MICU1: variants seen among roughly 807,000 people sequenced by gnomAD.
MICU1 encodes calcium uptake protein 1, mitochondrial.
A neutral mutation model predicts 56.8 loss-of-function variants in MICU1; 45 were observed. That is an observed-to-expected ratio of 0.79 (90% CI 0.62 to 1.02). MICU1 has a LOEUF of 1.02. Ranked by LOEUF, MICU1 falls within the 50% of genes least tolerant of loss-of-function variation. The probability of loss-of-function intolerance (pLI) is 0.00; values close to 1 mark genes in which losing one functional copy is unlikely to be tolerated. For missense variants in MICU1, 504 were observed against 587.1 expected (o/e 0.86, Z 1.46); for synonymous variants, 186 against 195.1 (o/e 0.95, Z 0.39).
chr10:72,414,633 A>G (rs1863924276), intron 9 of MICU1, among the ~76,000 whole-genome samples: 1 of 152,270 alleles, frequency 6.6e-6, no homozygotes, highest in Non-Finnish European at 1.5e-5. Context: ...CAAATTTACT[A>G]AAATTCACTA....
In MICU1 at chr10:72,368,206, G is replaced by A; in HGVS notation, c.1420C>T (p.Pro474Ser). 6.2e-6 allele frequency: 10 copies of A among 1,612,638 alleles called. No homozygotes were observed. Among genetic ancestry groups the A allele is most frequent in the Non-Finnish European group, 8.5e-6 (10 of 1,179,406 alleles). Residue 474 changes from proline to serine, a missense_variant, in exon 12 of 12, where the codon CCC becomes TCC. By Grantham distance (74) the Pro-to-Ser change is moderately conservative. Coordinates refer to ENST00000361114, the MANE Select transcript of MICU1 (RefSeq NM_001195518.2). ...AQETAWDFAL[P>S]KQ ...CTTGCAGTGTGGGGTTACTGTTTGG[G>A]TAAAGCGAAGTCCCAGGCAGTTTCC...
At position 72,508,048 on chromosome 10, in the gene MICU1, T is replaced by C. The variant is rs1490579278; in HGVS notation, c.652+107A>G. The C allele has an allele frequency of 5.6e-6, 3 of 535,638 alleles. No homozygotes were observed. The East Asian group carries it at 1.0e-4, about 18-fold the overall frequency. 33.2% of individuals were successfully genotyped at this position (535,638 alleles called of 1,614,324 possible). A position where few individuals can be genotyped will look rare whatever the true frequency, so the allele number is the denominator to read the frequency against. ...ATTTTATGTAACTTATAATTCATTATAATTCATTAACTCTACCAATATGTC... is the reference window on the plus strand; with the variant it reads ...ATTTTATGTAACTTATAATTCATTACAATTCATTAACTCTACCAATATGTC... On this transcript the variant is annotated intron_variant, in intron 6 of 11. Coordinates refer to ENST00000361114, the MANE Select transcript of MICU1 (RefSeq NM_001195518.2).
At chr10:72,407,472 T>C (rs1303070701) in intron 10 of MICU1, among the ~76,000 whole-genome samples, 1 of 152,222 alleles carries the variant, frequency 6.6e-6, no homozygotes, top group Admixed American at 6.5e-5. Flanking sequence ...TGAATTTCTA[T>C]GAAGTAAGCC....
At chr10:72,510,865 CAG>C in intron 5 of MICU1, among the ~76,000 whole-genome samples, 1 of 152,152 alleles carries the variant, frequency 6.6e-6, no homozygotes, top group Non-Finnish European at 1.5e-5. Context: ...CTCCTGGCCT[CAG>C]GTAATCCACC....
chr10:72,597,638 A>G (rs1339885873), intron 1 of MICU1, among the ~76,000 whole-genome samples: 3 of 152,244 alleles, frequency 2.0e-5, no homozygotes, highest in Non-Finnish European at 4.4e-5. Flanking sequence ...AGAAGTGTAC[A>G]GTCATAAAAT....
At chr10:72,475,045 C>A in intron 8 of MICU1, 55 bp downstream of exon 8, 1 of 1,485,706 alleles carries the variant, frequency 6.7e-7, no homozygotes, top group Admixed American at 2.0e-5. Context: ...AGTACAGGCC[C>A]TCCTGCCCAT....
intron 1 of MICU1, among the ~76,000 whole-genome samples, chr10:72,569,712 G>A (rs1840559870): frequency 6.6e-6 from 1 of 151,942 alleles, no homozygotes; most frequent in Non-Finnish European, 1.5e-5. Flanking sequence ...AAAACCATAG[G>A]ATCATTTCGG....
At chr10:72,411,416 C>G (rs1489894975) in intron 9 of MICU1, among the ~76,000 whole-genome samples, 1 of 152,004 alleles carries the variant, frequency 6.6e-6, no homozygotes, top group African/African-American at 2.4e-5. Flanking sequence ...CAAGTTCCGC[C>G]TCCCGGGTTC....
chr10:72,501,850 T>C (rs934338208), intron 6 of MICU1: 1 of 152,208 alleles, frequency 6.6e-6, no homozygotes, highest in Non-Finnish European at 1.5e-5. Context: ...GAAACTCTTA[T>C]TTAGAAAAAC....
rs1840454732 is a variant in MICU1 at position 72,566,882 on chromosome 10, C to A, written c.-1-88G>T. 3.5e-6 allele frequency: 4 copies of A among 1,146,888 alleles called. No homozygotes were observed. In the Admixed American group the frequency reaches 1.0e-4, roughly 30 times the overall value. 71.0% of individuals were successfully genotyped at this position (1,146,888 alleles called of 1,614,324 possible). Reference sequence around the variant, plus strand: ...ATCCTACCAACATTTCTAATAAACACTAAAGTAATTGCTCTATGACAGGCA... The same window carrying A: ...ATCCTACCAACATTTCTAATAAACAATAAAGTAATTGCTCTATGACAGGCA... On this transcript the variant is annotated intron_variant, in intron 1 of 11. Coordinates refer to ENST00000361114, the MANE Select transcript of MICU1 (RefSeq NM_001195518.2).
intron 11 of MICU1, among the ~76,000 whole-genome samples, chr10:72,372,998 C>G (rs1013319615): frequency 6.6e-6 from 1 of 151,658 alleles, no homozygotes; most frequent in Non-Finnish European, 1.5e-5. Context: ...TATGGGTTTA[C>G]CTTCTGCTTC....
intron 1 of MICU1, among the ~76,000 whole-genome samples, chr10:72,612,795 T>C (rs1841885525): frequency 6.7e-6 from 1 of 150,198 alleles, no homozygotes; most frequent in Non-Finnish European, 1.5e-5. Context: ...AGTGAGACCC[T>C]GTCTCAAAAA....
intron 6 of MICU1, among the ~76,000 whole-genome samples, chr10:72,488,718 G>A (rs1866553937): frequency 1.3e-5 from 2 of 152,098 alleles, no homozygotes; most frequent in African/African-American, 4.8e-5. Context: ...AGCTGCACCA[G>A]CATCTTCCTA....
intron 5 of MICU1, chr10:72,531,643 G>C (rs1839486484): frequency 6.6e-6 from 1 of 151,920 alleles, no homozygotes; most frequent in Admixed American, 6.6e-5. Context: ...GCTTGAACCA[G>C]GGAGTCGGAG....
intron 11 of MICU1, among the ~76,000 whole-genome samples, chr10:72,369,530 C>T (rs1427706912): frequency 6.6e-6 from 1 of 152,082 alleles, no homozygotes. Context: ...AGTTAGGAGA[C>T]TGCTGCAATA....
At chr10:72,475,793 TA>T (rs1455081070) in intron 7 of MICU1, 1 of 454,936 alleles carries the variant, frequency 2.2e-6, no homozygotes, top group African/African-American at 2.0e-5. Context: ...CACACGGAAT[TA>T]AATAACTTGC....
intron 8 of MICU1, among the ~76,000 whole-genome samples, chr10:72,455,706 A>G (rs551172042): frequency 4.0e-4 from 61 of 152,308 alleles, no homozygotes; most frequent in African/African-American, 1.3e-3. Flanking sequence ...GAAACACAAC[A>G]TATCTTTCTG....
intron 11 of MICU1, among the ~76,000 whole-genome samples, chr10:72,373,010 G>A (rs1158210137): frequency 3.3e-5 from 5 of 151,786 alleles, no homozygotes; most frequent in African/African-American, 9.7e-5. Flanking sequence ...TTCTGCTTCC[G>A]TAAGGACCAC....
At chr10:72,493,866 G>A (rs544583769) in intron 6 of MICU1, among the ~76,000 whole-genome samples, 56 of 152,196 alleles carry the variant, frequency 3.7e-4, no homozygotes, top group Non-Finnish European at 5.7e-4. Flanking sequence ...GAAAGTGTCT[G>A]GTAAACACCA....
Sources: gnomAD v4.1 joint callset for allele counts (sites outside exome capture counted in the v4.1 genomes callset) on GRCh38, gnomAD v4.1.1 for gene constraint, MANE v1.5 for transcripts, NCBI Gene and HGNC (gene_info 2026-07-23, HGNC 2026-07-21) for gene names.